The following SOBP variants were observed in gnomAD, a reference collection of about 807,000 sequenced individuals.
SOBP encodes sine oculis-binding protein homolog.
Under a neutral mutation model 53.6 loss-of-function variants are expected in SOBP, and 4 were observed. That is an observed-to-expected ratio of 0.07 (90% confidence interval 0.04 to 0.17). SOBP has a LOEUF of 0.17. SOBP is among the 10% of genes least tolerant of loss of function. The pLI is 1.00. For missense variants in SOBP, 1,088 were observed against 1,204.7 expected (o/e 0.90, Z 1.43); for synonymous variants, 584 against 522.6 (o/e 1.12, Z -1.60).
chr6:107,591,426 G>GT (rs1785743210), intron 5 of SOBP, among the ~76,000 whole-genome samples: 1 of 152,208 alleles, frequency 6.6e-6, no homozygotes, highest in Admixed American at 6.5e-5. Flanking sequence ...GGAAGAGATT[G>GT]TTTCTGTATG....
intron 5 of SOBP, chr6:107,621,145 G>T: frequency 1.2e-6 from 1 of 846,700 alleles, no homozygotes; most frequent in Non-Finnish European, 1.4e-6. Context: ...TGAATTTATT[G>T]GAGGAAAGGA....
chr6:107,532,632 A>G (rs953040988), intron 3 of SOBP, among the ~76,000 whole-genome samples: 2 of 152,226 alleles, frequency 1.3e-5, no homozygotes, highest in Non-Finnish European at 2.9e-5. Flanking sequence ...AATAATGGAA[A>G]TATTTGCAAA....
intron 4 of SOBP, among the ~76,000 whole-genome samples, chr6:107,573,133 G>C (rs187693527): frequency 9.8e-5 from 15 of 152,320 alleles, no homozygotes; most frequent in Non-Finnish European, 1.3e-4. Context: ...AGAAGTGGTC[G>C]TTAAGTACTG....
At position 107,634,983 on chromosome 6, in the gene SOBP, C is replaced by T. The variant is rs890963596; in HGVS notation, c.2139C>T (p.Gly713=). 1 of 1,033,182 alleles carries T rather than the reference C, an allele frequency of 9.7e-7. No homozygotes were observed. Among genetic ancestry groups the T allele is most frequent in the Non-Finnish European group, 1.2e-6 (1 of 863,458 alleles). 64.0% of individuals were successfully genotyped at this position (1,033,182 alleles called of 1,614,324 possible). Residue 713 remains glycine (G), a synonymous_variant, in exon 6 of 7, where the codon GGC becomes GGT. Transcript: ENST00000317357. The surrounding 1 kb of genome is among the most constrained non-coding windows in gnomAD (Gnocchi z 4.5). ...ACCCAGGCCCGGGCGCCCCGGCGGG[C>T]CCCGAGGCGGCCGCGGCCTGCAACG... The part of the protein sequence containing the change: ...AGDPGPGAPA[G]PEAAAACNVI...
Position 107,547,234 on chromosome 6 carries a change from T to C in SOBP, c.573+13624T>C, listed in dbSNP as rs576174066. Among the ~76,000 whole-genome samples the C allele has an allele frequency of 3.9e-5, 6 of 152,328 alleles. No homozygotes were observed. In the East Asian group the frequency reaches 7.7e-4, roughly 20 times the overall value. ...GCGAGCACAAGGGAACAAAACGTTT[T>C]AATCCTCACGTCCCTGATATGGGCT... On this transcript the variant is annotated intron_variant, in intron 4 of 6. Coordinates refer to ENST00000317357, the MANE Select transcript of SOBP (RefSeq NM_018013.4).
chr6:107,564,387 C>T (rs1166588889), intron 4 of SOBP, among the ~76,000 whole-genome samples: 1 of 152,142 alleles, frequency 6.6e-6, no homozygotes, highest in Non-Finnish European at 1.5e-5. Context: ...TCACTGAGCC[C>T]AGAGCTGCAG....
At chr6:107,637,910 A>T (rs190641158) in intron 6 of SOBP, among the ~76,000 whole-genome samples, 38 of 152,374 alleles carry the variant, frequency 2.5e-4, no homozygotes, top group African/African-American at 9.1e-4. Context: ...AGCCAATTTC[A>T]GAAGATGTGG....
chr6:107,523,756 A>C (rs542089744), intron 3 of SOBP, among the ~76,000 whole-genome samples: 1 of 152,334 alleles, frequency 6.6e-6, no homozygotes, highest in South Asian at 2.1e-4. Flanking sequence ...TACTACAGTC[A>C]CCAAGAACAT....
chr6:107,574,227 AC>A (rs1254466087), intron 4 of SOBP, among the ~76,000 whole-genome samples: 1 of 152,222 alleles, frequency 6.6e-6, no homozygotes, highest in Non-Finnish European at 1.5e-5. Flanking sequence ...ATACTAGGAT[AC>A]TTGACTGCAT....
At chr6:107,507,424 G>T (rs1319904637) in intron 3 of SOBP, among the ~76,000 whole-genome samples, 1 of 152,012 alleles carries the variant, frequency 6.6e-6, no homozygotes, top group Non-Finnish European at 1.5e-5. Flanking sequence ...TCCTTCCTCA[G>T]CCTCTTGAGT....
intron 5 of SOBP, among the ~76,000 whole-genome samples, chr6:107,618,472 A>C (rs989590984): frequency 1.1e-4 from 16 of 152,198 alleles, no homozygotes; most frequent in Non-Finnish European, 2.1e-4. Flanking sequence ...TGTGGCAGAG[A>C]ATGGCCAAAG....
Position 107,634,904 on chromosome 6 carries a change from G to A in SOBP, c.2060G>A (p.Arg687His), listed in dbSNP as rs1484501026. The change falls in exon 6 of 7, where the codon CGC becomes CAC. Residue 687 changes from arginine to histidine, a missense_variant. By Grantham distance (29) the Arg-to-His change is conservative. Coordinates refer to ENST00000317357, the MANE Select transcript of SOBP (RefSeq NM_018013.4). The surrounding 1 kb of genome is among the most constrained non-coding windows in gnomAD (Gnocchi z 4.5). ...GAGCGCGAGCCGAGCGCCGCGGAGC[G>A]CAGGACCTGCGGCGGCTGCAGGGAC... ...KAEREPSAAE[R>H]RTCGGCRDGH... 3 of 1,267,368 alleles carry A rather than the reference G, an allele frequency of 2.4e-6. No individual in the cohort carries two copies. The highest frequency in any genetic ancestry group is 3.9e-5 in the East Asian group (1 of 25,460). The allele number at this position is 1,267,368 out of a possible 1,614,324, so 78.5% of individuals were successfully genotyped here. A position where few individuals can be genotyped will look rare whatever the true frequency, so the allele number is the denominator to read the frequency against.
intron 4 of SOBP, among the ~76,000 whole-genome samples, chr6:107,534,087 A>C (rs1562595548): frequency 1.3e-5 from 2 of 152,236 alleles, no homozygotes; most frequent in Non-Finnish European, 2.9e-5. Flanking sequence ...AAAAATGTCA[A>C]GTCTCTCTTG....
chr6:107,619,226 AAGAAAACATGATAAGGCTT>A (rs1480611691), intron 5 of SOBP, among the ~76,000 whole-genome samples: 1 of 152,182 alleles, frequency 6.6e-6, no homozygotes, highest in East Asian at 1.9e-4. Flanking sequence ...GCTTTAATTA[AAGAAAACATGATAAGGCTT>A]AGGTTTCCTG....
At chr6:107,513,960 G>A (rs909319766) in intron 3 of SOBP, 4 of 152,578 alleles carry the variant, frequency 2.6e-5, no homozygotes, top group African/African-American at 9.7e-5. Flanking sequence ...TTTTACAGAT[G>A]AGAAAACTGA....
At chr6:107,601,058 C>T (rs904871284) in intron 5 of SOBP, among the ~76,000 whole-genome samples, 20 of 152,172 alleles carry the variant, frequency 1.3e-4, no homozygotes, top group African/African-American at 4.6e-4. Flanking sequence ...CAAACCATAC[C>T]GGTGTGGCTC....
chr6:107,503,890 T>C lies in SOBP; in HGVS notation c.235+95T>C, dbSNP rs1782908535. 42 of 1,431,736 alleles carry C rather than the reference T, an allele frequency of 2.9e-5. 1 individual carries two copies. Among genetic ancestry groups the C allele is most frequent in the South Asian group, 2.9e-4 (25 of 87,280 alleles). 88.7% of individuals were successfully genotyped at this position (1,431,736 alleles called of 1,614,324 possible). On this transcript the variant is annotated intron_variant, in intron 2 of 6. Transcript: ENST00000317357. ...TGCTTTGGGACTCAATTGAGTTGCTTTGTTGATTATGCCAATGGTTGATTT... is the reference window on the plus strand; with the variant it reads ...TGCTTTGGGACTCAATTGAGTTGCTCTGTTGATTATGCCAATGGTTGATTT...
chr6:107,560,615 G>A (rs1303599323), intron 4 of SOBP, among the ~76,000 whole-genome samples: 1 of 152,118 alleles, frequency 6.6e-6, no homozygotes, highest in African/African-American at 2.4e-5. Context: ...TAGATACTGG[G>A]CTAAGCATTT....
intron 4 of SOBP, among the ~76,000 whole-genome samples, chr6:107,579,857 C>T (rs1785350104): frequency 6.6e-6 from 1 of 152,114 alleles, no homozygotes; most frequent in Non-Finnish European, 1.5e-5. Flanking sequence ...GCAAATAAGT[C>T]CATCTCATCC....
Sources: gnomAD v4.1 joint callset for allele counts (sites outside exome capture counted in the v4.1 genomes callset) on GRCh38, gnomAD v4.1.1 for gene constraint, Gnocchi (gnomAD v3.1) non-coding constraint, MANE v1.5 for transcripts, NCBI Gene and HGNC (gene_info 2026-07-23, HGNC 2026-07-21) for gene names.